The following NT5E variants were observed in gnomAD, a reference collection of about 807,000 sequenced individuals.
NT5E encodes the protein 5'-nucleotidase.
In NT5E, 53 loss-of-function variants were observed where a neutral mutation model predicts 55.1. The observed-to-expected ratio is 0.96, with a 90% CI of 0.77 to 1.21. The LOEUF is 1.21. NT5E is among the 50% of genes most tolerant of loss of function. NT5E has a pLI of 0.00. For missense variants in NT5E, 683 were observed against 724.3 expected, an observed-to-expected ratio of 0.94 and a Z score of 0.65; for synonymous variants, 270 against 278.4, an observed-to-expected ratio of 0.97 and a Z score of 0.30.
At chr6:85,478,452 T>A (rs547123032) in intron 3 of NT5E, among the ~76,000 whole-genome samples, 1 of 152,178 alleles carries the variant, frequency 6.6e-6, no homozygotes, top group Non-Finnish European at 1.5e-5. Context: ...TGCTTGATGG[T>A]CTTCTGCAAA....
rs1769792515 is a variant in NT5E at position 85,491,868 on chromosome 6, A to G, written c.1361-109A>G. On this transcript the variant is annotated intron_variant, in intron 7 of 8. Coordinates refer to ENST00000257770, the MANE Select transcript of NT5E (RefSeq NM_002526.4). ...ACAAAATTTCACTCAGGTTTAAACC[A>G]AAGGAAAAACCACAGCCCCATGCCC... 4.1e-6 allele frequency: 4 copies of G among 975,232 alleles called. No homozygotes were observed. The East Asian group carries it at 7.2e-5, about 18-fold the overall frequency. 60.4% of individuals were successfully genotyped at this position (975,232 alleles called of 1,614,324 possible).
At chr6:85,455,350 G>C (rs757953290) in intron 1 of NT5E, among the ~76,000 whole-genome samples, 11 of 152,174 alleles carry the variant, frequency 7.2e-5, no homozygotes, top group Non-Finnish European at 1.3e-4. Context: ...GGATCAAAGA[G>C]TTGGAACTTT....
chr6:85,490,804 G>A, intron 7 of NT5E, 147 bp downstream of exon 7: 1 of 846,654 alleles, frequency 1.2e-6, no homozygotes, highest in South Asian at 1.5e-5. Context: ...CCCTTTAATG[G>A]CTGTGGACTC....
Position 85,494,316 on chromosome 6 carries a change from T to A in NT5E, c.*312T>A. 1 of 319,968 alleles carries A rather than the reference T, an allele frequency of 3.1e-6. No individual in the cohort carries two copies. Among genetic ancestry groups the A allele is most frequent in the Non-Finnish European group, 5.8e-6 (1 of 172,908 alleles). 19.8% of individuals were successfully genotyped at this position (319,968 alleles called of 1,614,324 possible). The stretch of plus-strand genomic sequence containing the variant: ...TTTTCTTCTTCATATCCATTTCTAA[T>A]CCATCAAACAGCTTATGTTTACATA... On this transcript the variant is annotated 3_prime_UTR_variant, in exon 9 of 9. Coordinates refer to ENST00000257770, the MANE Select transcript of NT5E (RefSeq NM_002526.4).
chr6:85,465,766 T>C (rs928830148), intron 1 of NT5E, among the ~76,000 whole-genome samples: 9 of 152,218 alleles, frequency 5.9e-5, no homozygotes, highest in African/African-American at 2.2e-4. Context: ...CAGGGCCTGG[T>C]GGCCCAGGAG....
At chr6:85,468,531 A>T (rs1393346303) in intron 2 of NT5E, among the ~76,000 whole-genome samples, 1 of 152,208 alleles carries the variant, frequency 6.6e-6, no homozygotes. Context: ...CTATTGCCCA[A>T]TGACTGTGCA....
chr6:85,463,044 G>C (rs2127755530), intron 1 of NT5E, among the ~76,000 whole-genome samples: 1 of 152,172 alleles, frequency 6.6e-6, no homozygotes, highest in African/African-American at 2.4e-5. Context: ...TGTGAGTGTG[G>C]AAAGTTTCTT....
intron 7 of NT5E, among the ~76,000 whole-genome samples, chr6:85,491,597 T>C (rs1769786069): frequency 6.6e-6 from 1 of 152,256 alleles, no homozygotes; most frequent in Non-Finnish European, 1.5e-5. Flanking sequence ...ATGATTACCA[T>C]TTAATGGTCT....
intron 5 of NT5E, among the ~76,000 whole-genome samples, chr6:85,488,800 C>T (rs191288386): frequency 2.6e-5 from 4 of 150,982 alleles, no homozygotes; most frequent in Non-Finnish European, 4.4e-5. Flanking sequence ...AGACTGGTCT[C>T]GAACTCCTGA....
At chr6:85,458,383 G>C (rs769841485) in intron 1 of NT5E, among the ~76,000 whole-genome samples, 1 of 152,206 alleles carries the variant, frequency 6.6e-6, no homozygotes, top group Non-Finnish European at 1.5e-5. Flanking sequence ...CTCTTTTTCA[G>C]TCTAAATTCC....
At position 85,485,249 on chromosome 6, in the gene NT5E, A is replaced by G. The variant is rs1328801031; in HGVS notation, c.766A>G (p.Lys256Glu). The G allele has an allele frequency of 6.2e-7, 1 of 1,614,160 alleles. No individual in the cohort carries two copies. Among genetic ancestry groups the G allele is most frequent in the Non-Finnish European group, 8.5e-7 (1 of 1,180,010 alleles). ...TFLYTGNPPS[K>E]EVPAGKYPFI... Reference sequence around the variant, plus strand: ...TTTTATTTCAGGCAATCCACCTTCCAAAGAGGTGCCTGCTGGGAAGTACCC... The same window carrying G: ...TTTTATTTCAGGCAATCCACCTTCCGAAGAGGTGCCTGCTGGGAAGTACCC... The change falls in exon 4 of 9, where the codon AAA (lysine) becomes GAA (glutamate). Residue 256 changes from lysine to glutamate, a missense_variant. Coordinates refer to ENST00000257770, the MANE Select transcript of NT5E (RefSeq NM_002526.4).
At chr6:85,454,147 C>A (rs1236014281) in intron 1 of NT5E, among the ~76,000 whole-genome samples, 2 of 152,210 alleles carry the variant, frequency 1.3e-5, no homozygotes, top group East Asian at 3.9e-4. Flanking sequence ...GCGTCTAACA[C>A]CCTGCCTCCA....
At chr6:85,480,878 C>G (rs1320253966) in intron 3 of NT5E, among the ~76,000 whole-genome samples, 1 of 152,156 alleles carries the variant, frequency 6.6e-6, no homozygotes, top group Non-Finnish European at 1.5e-5. Flanking sequence ...AAATGTCTCT[C>G]CTATGGTCCA....
intron 3 of NT5E, among the ~76,000 whole-genome samples, chr6:85,479,805 T>A (rs1222723303): frequency 6.6e-6 from 1 of 152,202 alleles, no homozygotes; most frequent in African/African-American, 2.4e-5. Flanking sequence ...GCCATAGTGA[T>A]AGAACCAGAA....
intron 5 of NT5E, among the ~76,000 whole-genome samples, chr6:85,488,182 T>C (rs1053437558): frequency 2.6e-5 from 4 of 152,314 alleles, no homozygotes; most frequent in Non-Finnish European, 5.9e-5. Context: ...CGTCTACTTG[T>C]CACCAGGCGG....
chr6:85,454,382 A>G (rs1442556116), intron 1 of NT5E, among the ~76,000 whole-genome samples: 1 of 152,252 alleles, frequency 6.6e-6, no homozygotes, highest in South Asian at 2.1e-4. Context: ...TTGTAGGTGT[A>G]AAATACACAT....
At chr6:85,454,422 C>A (rs927589423) in intron 1 of NT5E, among the ~76,000 whole-genome samples, 14 of 152,202 alleles carry the variant, frequency 9.2e-5, no homozygotes, top group Non-Finnish European at 1.5e-4. Context: ...TTTCTAATAA[C>A]TAGTGAGTTT....
Position 85,489,600 on chromosome 6 carries a change from G to C in NT5E, c.1210+1G>C, listed in dbSNP as rs1554201582. The C allele has an allele frequency of 6.2e-7, 1 of 1,606,576 alleles. No homozygotes were observed. The highest frequency in any genetic ancestry group is 8.5e-7 in the Non-Finnish European group (1 of 1,173,548). The stretch of plus-strand genomic sequence containing the variant: ...TCGCCCATTGATGAACGCAACAATG[G>C]TATGCTCCCAGGCCCAGCTCCTCAG... On this transcript the variant is annotated splice_donor_variant, in intron 6 of 8. Transcript: ENST00000257770. LOFTEE classifies it high-confidence loss of function.
rs950838548 is a variant in NT5E at position 85,477,847 on chromosome 6, C to T, written c.751+6422C>T. ...CAAGGGGCAGAGGTGTGGGTGGTAG[C>T]TTCAAAGGTAATTTCCTGACTGAGT... is the stretch of plus-strand genomic sequence containing the variant. On this transcript the variant is annotated intron_variant, in intron 3 of 8. Transcript: ENST00000257770. Among the ~76,000 whole-genome samples, 3 of 152,072 alleles carry T rather than the reference C, an allele frequency of 2.0e-5. No individual in the cohort carries two copies. The East Asian group carries it at 5.8e-4, about 29-fold the overall frequency.
Sources: gnomAD v4.1 joint callset for allele counts (sites outside exome capture counted in the v4.1 genomes callset) on GRCh38, gnomAD v4.1.1 for gene constraint, MANE v1.5 for transcripts, NCBI Gene and HGNC (gene_info 2026-07-23, HGNC 2026-07-21) for gene names.